The following FOXP1 variants were observed in gnomAD, a reference collection of about 807,000 sequenced individuals.
The protein encoded by FOXP1 is forkhead box P1, also known as forkhead box protein P1.
A neutral mutation model predicts 98.2 loss-of-function variants in FOXP1; 15 were observed. That is an observed-to-expected ratio of 0.15 (90% CI 0.10 to 0.24). The LOEUF (loss-of-function observed/expected upper bound fraction) is 0.24. Ranked by LOEUF, FOXP1 falls within the 10% of genes least tolerant of loss-of-function variation. The pLI is 1.00. For missense variants in FOXP1, 633 were observed against 848.5 expected (o/e 0.75, Z 3.15); for synonymous variants, 371 against 314.5 (o/e 1.18, Z -1.90).
At chr3:70,964,147 A>T (rs1336850945) in intron 20 of FOXP1, among the ~76,000 whole-genome samples, 1 of 152,248 alleles carries the variant, frequency 6.6e-6, no homozygotes, top group Non-Finnish European at 1.5e-5. Context: ...AATTACATTT[A>T]GCAAACAGCA....
chr3:71,443,473 G>A (rs1409836731), intron 3 of FOXP1, among the ~76,000 whole-genome samples: 2 of 152,214 alleles, frequency 1.3e-5, no homozygotes, highest in African/African-American at 4.8e-5. Flanking sequence ...GTTCACGTCT[G>A]TCGGTCTAAC....
At chr3:71,567,424 T>A (rs983562521) in intron 2 of FOXP1, among the ~76,000 whole-genome samples, 1 of 151,568 alleles carries the variant, frequency 6.6e-6, no homozygotes, top group Non-Finnish European at 1.5e-5. Context: ...TGGCAGATAA[T>A]CAGTGCATAT....
chr3:71,411,280 T>TGC (rs1428897552), intron 3 of FOXP1, among the ~76,000 whole-genome samples: 1 of 30,734 alleles, frequency 3.3e-5, no homozygotes, highest in African/African-American at 9.3e-5. Flanking sequence ...TGAATGGGCG[T>TGC]GTGTGTGTGT....
chr3:71,053,768 G>C lies in FOXP1; in HGVS notation c.288C>G (p.Pro96=), dbSNP rs528713688. ...RNDKQPALQV[P]VSVAMMTPQV... ...GAGGTGTCATCATAGCCACTGACACGGGAACCTAGAATGTTAATGAAGGAT... is the reference window on the plus strand; with the variant it reads ...GAGGTGTCATCATAGCCACTGACACCGGAACCTAGAATGTTAATGAAGGAT... The change falls in exon 8 of 21, where the codon CCC becomes CCG. Residue 96 remains proline, a synonymous_variant. Transcript: ENST00000649528. 1 of 1,613,946 alleles carries C rather than the reference G, an allele frequency of 6.2e-7. No individual in the cohort carries two copies.
intron 5 of FOXP1, among the ~76,000 whole-genome samples, chr3:71,280,472 C>A (rs1164188258): frequency 6.6e-6 from 1 of 151,940 alleles, no homozygotes; most frequent in Non-Finnish European, 1.5e-5. Flanking sequence ...AGGTGCCCAC[C>A]ACCATGCTCG....
chr3:71,326,171 T>C (rs2075679655), intron 4 of FOXP1, among the ~76,000 whole-genome samples: 1 of 152,220 alleles, frequency 6.6e-6, no homozygotes, highest in Non-Finnish European at 1.5e-5. Flanking sequence ...CAAGCATATC[T>C]GGACTATGCC....
At chr3:71,318,219 T>A (rs956653111) in intron 4 of FOXP1, among the ~76,000 whole-genome samples, 1 of 151,886 alleles carries the variant, frequency 6.6e-6, no homozygotes, top group African/African-American at 2.4e-5. Context: ...AAAATAGAGT[T>A]TCAGGGACAG....
At chr3:71,246,848 T>A (rs2067788915) in intron 5 of FOXP1, among the ~76,000 whole-genome samples, 1 of 152,216 alleles carries the variant, frequency 6.6e-6, no homozygotes, top group Non-Finnish European at 1.5e-5. Context: ...CATTAGCCTG[T>A]CTCAGAGAAA....
At chr3:71,430,351 G>A (rs922857685) in intron 3 of FOXP1, among the ~76,000 whole-genome samples, 1 of 152,116 alleles carries the variant, frequency 6.6e-6, no homozygotes, top group Non-Finnish European at 1.5e-5. Context: ...ATGAATAATA[G>A]TACAAAATAT....
chr3:71,097,292 T>C, intron 7 of FOXP1, among the ~76,000 whole-genome samples: 1 of 152,196 alleles, frequency 6.6e-6, no homozygotes, highest in East Asian at 1.9e-4. Flanking sequence ...TATACTTCAG[T>C]GTCCACAAAT....
chr3:71,118,171 A>G (rs926663961), intron 6 of FOXP1, among the ~76,000 whole-genome samples: 49 of 152,184 alleles, frequency 3.2e-4, no homozygotes, highest in Non-Finnish European at 8.8e-5. Context: ...CTGGCTCGGT[A>G]GGTCCTGTTT....
chr3:71,526,961 C>G (rs2043436513), intron 2 of FOXP1, among the ~76,000 whole-genome samples: 1 of 146,922 alleles, frequency 6.8e-6, no homozygotes, highest in African/African-American at 2.5e-5. Flanking sequence ...GAGTATAACT[C>G]CAACTCAAAA....
upstream of FOXP1, chr3:71,583,881 C>G: frequency 1.0e-6 from 1 of 985,434 alleles, no homozygotes; most frequent in South Asian, 4.6e-5. Flanking sequence ...CTCTACCTCC[C>G]GCAGGGGTCC....
intron 2 of FOXP1, among the ~76,000 whole-genome samples, chr3:71,562,093 C>CA (rs2046584713): frequency 6.6e-6 from 1 of 152,174 alleles, no homozygotes; most frequent in African/African-American, 2.4e-5. Flanking sequence ...AACCAAGTCT[C>CA]AGTCTTGGGC....
At chr3:71,568,941 C>G (rs2047124868) in intron 2 of FOXP1, among the ~76,000 whole-genome samples, 1 of 152,174 alleles carries the variant, frequency 6.6e-6, no homozygotes, top group South Asian at 2.1e-4. Flanking sequence ...GCCACTGTGC[C>G]CAGCCTGTTC....
chr3:71,036,344 T>A (rs2047586164), intron 11 of FOXP1, among the ~76,000 whole-genome samples: 3 of 152,130 alleles, frequency 2.0e-5, no homozygotes, highest in Non-Finnish European at 4.4e-5. Context: ...GCGTCCCCTG[T>A]TTCTAATATG....
Position 71,238,460 on chromosome 3 carries a change from G to A in FOXP1, c.-11-40068C>T, listed in dbSNP as rs1434453278. Among the ~76,000 whole-genome samples the A allele has an allele frequency of 2.6e-5, 4 of 152,108 alleles. No individual in the cohort carries two copies. The South Asian group carries it at 6.2e-4, about 24-fold the overall frequency. On this transcript the variant is annotated intron_variant, in intron 5 of 20. Transcript: ENST00000649528. ...GGGGGGTGTGTGTGTGTGTCTACAA[G>A]GAAAGGGAAGATTCAAGTGCAACAG... is the stretch of plus-strand genomic sequence containing the variant.
At chr3:71,037,857 T>C (rs1310082083) in intron 11 of FOXP1, among the ~76,000 whole-genome samples, 2 of 152,214 alleles carry the variant, frequency 1.3e-5, no homozygotes, top group East Asian at 1.9e-4. Flanking sequence ...GTGCTGAATA[T>C]TGATAAATGT....
chr3:71,456,252 A>AGAG (rs1553889327), intron 3 of FOXP1, among the ~76,000 whole-genome samples: 123 of 151,864 alleles, frequency 8.1e-4, no homozygotes, highest in African/African-American at 2.8e-3. Flanking sequence ...ACAACAGAGA[A>AGAG]AGAGAGAGAG....
Sources: gnomAD v4.1 joint callset for allele counts (sites outside exome capture counted in the v4.1 genomes callset) on GRCh38, gnomAD v4.1.1 for gene constraint, MANE v1.5 for transcripts, NCBI Gene and HGNC (gene_info 2026-07-23, HGNC 2026-07-21) for gene names.